The following PLEKHM1 variants were observed in gnomAD, a reference collection of about 807,000 sequenced individuals.
PLEKHM1 encodes pleckstrin homology and RUN domain containing M1.
Under a neutral mutation model 94.3 loss-of-function variants are expected in PLEKHM1, and 28 were observed. The observed-to-expected ratio is 0.30, with a 90% confidence interval of 0.22 to 0.41. PLEKHM1 has a LOEUF of 0.41. PLEKHM1 is among the 10% of genes least tolerant of loss of function. PLEKHM1 has a pLI of 1.00. For synonymous variants in PLEKHM1, 424 were observed against 581.2 expected (o/e 0.73, Z 3.89); for missense variants, 907 against 1,358.6 (o/e 0.67, Z 5.22).
Position 45,437,712 on chromosome 17 carries a change from G to T in PLEKHM1, c.*146C>A. On this transcript the variant is annotated 3_prime_UTR_variant, in exon 12 of 12. Transcript: ENST00000430334. This position sits in a 1 kb window ranked among gnomAD's most constrained non-coding sequence, Gnocchi z 4.0. The stretch of plus-strand genomic sequence containing the variant: ...GGACTTCCTGGGCTTTCTCTGGGAG[G>T]CCGGTGCTCTGGCCACATCTGAGGG... 2 of 731,748 alleles carry T rather than the reference G, an allele frequency of 2.7e-6. No homozygotes were observed. The highest frequency in any genetic ancestry group is 4.9e-6 in the Non-Finnish European group (2 of 408,940). The allele number at this position is 731,748 out of a possible 1,614,324, so 45.3% of individuals were successfully genotyped here.
At chr17:45,465,716 A>AAT (rs112314884) in intron 5 of PLEKHM1, among the ~76,000 whole-genome samples, 3 of 150,380 alleles carry the variant, frequency 2.0e-5, no homozygotes, top group African/African-American at 4.9e-5. Context: ...CCTCAAAAAA[A>AAT]TTTTTTTTTT....
chr17:45,440,835 A>G (rs1008012285), intron 9 of PLEKHM1: 2 of 182,170 alleles, frequency 1.1e-5, no homozygotes, highest in Non-Finnish European at 2.3e-5. Context: ...ACCATTACAT[A>G]CCAGGGACAG....
chr17:45,448,413 G>A (rs1411300278), intron 8 of PLEKHM1, among the ~76,000 whole-genome samples: 1 of 152,240 alleles, frequency 6.6e-6, no homozygotes, highest in Non-Finnish European at 1.5e-5. Context: ...GCACTATGAT[G>A]AAGACACATC....
chr17:45,454,021 C>G lies in PLEKHM1; in HGVS notation c.1831G>C (p.Asp611His). 6.2e-7 allele frequency: 1 copy of G among 1,614,146 alleles called. No homozygotes were observed. Among genetic ancestry groups the G allele is most frequent in the Non-Finnish European group, 8.5e-7 (1 of 1,179,978 alleles). ...CGGTCCAGCCAGTCCTCAGCTTCGT[C>G]CTGGGAGGAGGCGCGCAGGGCCAGC... Reference protein sequence around the residue: ...KKLALRASSQDEAEDWLDRVR... With the variant: ...KKLALRASSQHEAEDWLDRVR... The change falls in exon 7 of 12, where the codon GAC becomes CAC. Residue 611 changes from aspartate (D) to histidine (H), a missense_variant. Asp to His is a moderately conservative substitution (Grantham distance 81). Transcript: ENST00000430334.
At chr17:45,489,349 A>G (rs1388786971) in intron 1 of PLEKHM1, among the ~76,000 whole-genome samples, 1 of 152,178 alleles carries the variant, frequency 6.6e-6, no homozygotes, top group Admixed American at 6.5e-5. Context: ...TACAAGTGCC[A>G]AGAAAAGGAA....
intron 6 of PLEKHM1, among the ~76,000 whole-genome samples, chr17:45,456,034 G>T (rs1349059455): frequency 6.6e-6 from 1 of 152,138 alleles, no homozygotes; most frequent in East Asian, 1.9e-4. Context: ...CAGGGTCTTT[G>T]CATTTGTTCT....
At position 45,436,252 on chromosome 17, in the gene PLEKHM1, G is replaced by A; in HGVS notation, c.*1606C>T. 1 of 454,290 alleles carries A rather than the reference G, an allele frequency of 2.2e-6. No individual in the cohort carries two copies. The highest frequency in any genetic ancestry group is 4.4e-6 in the Non-Finnish European group (1 of 226,864). 28.1% of individuals were successfully genotyped at this position (454,290 alleles called of 1,614,324 possible). A position where few individuals can be genotyped will look rare whatever the true frequency, so the allele number is the denominator to read the frequency against. ...GCAATGAGGGCTCTGACTAGGCTGG[G>A]CTTGTGGTGGAGCGTTAATGTGGGC... On this transcript the variant is annotated 3_prime_UTR_variant, in exon 12 of 12. Transcript: ENST00000430334.
chr17:45,466,442 T>A (rs541097579), intron 5 of PLEKHM1, among the ~76,000 whole-genome samples: 2 of 152,242 alleles, frequency 1.3e-5, no homozygotes, highest in South Asian at 4.1e-4. Context: ...AAAATACTAT[T>A]AGGAGGTTTA....
Position 45,439,333 on chromosome 17 carries a change from G to A in PLEKHM1, c.3059+144C>T, listed in dbSNP as rs568759714. 5.4e-6 allele frequency: 5 copies of A among 921,486 alleles called. No homozygotes were observed. The East Asian group carries it at 7.9e-5, about 14-fold the overall frequency. The allele number at this position is 921,486 out of a possible 1,614,324, so 57.1% of individuals were successfully genotyped here. A position where few individuals can be genotyped will look rare whatever the true frequency, so the allele number is the denominator to read the frequency against. On this transcript the variant is annotated intron_variant, in intron 11 of 11. Transcript: ENST00000430334. ...CAGAGCATGGGCTGCCCCAACAACT[G>A]CACCACCCCTTGGCACAGCACAAAG...
downstream of PLEKHM1, among the ~76,000 whole-genome samples, chr17:45,435,314 G>T (rs2050230112): frequency 6.6e-6 from 1 of 152,192 alleles, no homozygotes; most frequent in South Asian, 2.1e-4. Flanking sequence ...AATTAAGTCT[G>T]TTTCCTGCTC....
chr17:45,439,977 C>T (rs2050391087), intron 10 of PLEKHM1, 186 bp downstream of exon 10: 4 of 662,658 alleles, frequency 6.0e-6, no homozygotes, highest in Middle Eastern at 3.6e-4. Flanking sequence ...TCCAGGGGTG[C>T]TGGGGGTATC....
chr17:45,482,230 A>C (rs2051975729), intron 2 of PLEKHM1, among the ~76,000 whole-genome samples: 1 of 149,212 alleles, frequency 6.7e-6, no homozygotes, highest in African/African-American at 2.5e-5. Flanking sequence ...TACTGATCTT[A>C]AATTCCCACT....
Position 45,436,392 on chromosome 17 carries a change from C to T in PLEKHM1, c.*1466G>A, listed in dbSNP as rs1168558833. On this transcript the variant is annotated 3_prime_UTR_variant, in exon 12 of 12. Transcript: ENST00000430334. Reference sequence around the variant, plus strand: ...CTCCACCTGCCTGCCACCGTTGCCTCTGTTCTGCTGCACAGGCATCCAGCT... The same window carrying T: ...CTCCACCTGCCTGCCACCGTTGCCTTTGTTCTGCTGCACAGGCATCCAGCT... The T allele has an allele frequency of 2.2e-6, 1 of 454,134 alleles. No homozygotes were observed. The highest frequency in any genetic ancestry group is 4.4e-6 in the Non-Finnish European group (1 of 226,744). The allele number at this position is 454,134 out of a possible 1,614,324, so 28.1% of individuals were successfully genotyped here. A position where few individuals can be genotyped will look rare whatever the true frequency, so the allele number is the denominator to read the frequency against.
At chr17:45,439,778 C>A (rs573626863) in intron 10 of PLEKHM1, 144 bp from the exon 11 acceptor site, 3 of 1,107,416 alleles carry the variant, frequency 2.7e-6, no homozygotes, top group Middle Eastern at 2.6e-4. Context: ...CGTTTCCACA[C>A]GGGCAAGAAA....
chr17:45,452,112 C>T lies in PLEKHM1; in HGVS notation c.2497+1243G>A, dbSNP rs574106526. Among the ~76,000 whole-genome samples the T allele has an allele frequency of 4.7e-4, 72 of 152,278 alleles. 2 individuals are homozygous for T. The highest frequency in any genetic ancestry group is 1.7e-3 in the African/African-American group (71 of 41,550). Reference sequence around the variant, plus strand: ...AGCAGGACAACCCCCTCACAGGTCACCTAAGGGTCCCATGGTGATGGGATG... The same window carrying T: ...AGCAGGACAACCCCCTCACAGGTCATCTAAGGGTCCCATGGTGATGGGATG... On this transcript the variant is annotated intron_variant, in intron 7 of 11. Coordinates refer to ENST00000430334, the MANE Select transcript of PLEKHM1 (RefSeq NM_014798.3).
intron 1 of PLEKHM1, among the ~76,000 whole-genome samples, chr17:45,489,676 G>T (rs2052245808): frequency 6.6e-6 from 1 of 151,990 alleles, no homozygotes; most frequent in Admixed American, 6.6e-5. Context: ...TACCACCTGA[G>T]CCCCTGCACC....
chr17:45,462,633 T>G (rs2051186236), intron 5 of PLEKHM1, among the ~76,000 whole-genome samples: 1 of 152,164 alleles, frequency 6.6e-6, no homozygotes, highest in Non-Finnish European at 1.5e-5. Flanking sequence ...TTTATAAGGC[T>G]GTTTGGAATG....
intron 5 of PLEKHM1, chr17:45,459,910 G>T (rs1291224627): frequency 6.7e-6 from 1 of 149,708 alleles, no homozygotes; most frequent in Non-Finnish European, 1.5e-5. Context: ...CTACCCCCCA[G>T]TACCTCAGAA....
intron 6 of PLEKHM1, among the ~76,000 whole-genome samples, chr17:45,457,706 C>A (rs925448924): frequency 3.3e-5 from 5 of 152,168 alleles, no homozygotes; most frequent in East Asian, 1.9e-4. Context: ...GCCTGGGCAA[C>A]AAAGGGAGAC....
Sources: allele counts gnomAD v4.1 joint callset (sites outside exome capture counted in the v4.1 genomes callset), GRCh38; gene constraint gnomAD v4.1.1; non-coding constraint Gnocchi (gnomAD v3.1); transcripts MANE v1.5; gene names NCBI Gene and HGNC (gene_info 2026-07-23, HGNC 2026-07-21).